Variants in PALB2 observed in about 807,000 individuals in gnomAD.
PALB2 encodes the protein partner and localizer of BRCA2, also known as mutant partner and localizer of BRCA2.
Under a neutral mutation model 107.4 loss-of-function variants are expected in PALB2, and 82 were observed. The ratio of observed to expected loss-of-function variants is 0.76; its 90% CI spans 0.64 to 0.92. The LOEUF is 0.92. PALB2 is among the 40% of genes least tolerant of loss of function. PALB2 has a pLI of 0.00. For missense variants in PALB2, 1,374 were observed against 1,379.9 expected (o/e 1.00, Z 0.07); for synonymous variants, 489 against 496.8 (o/e 0.98, Z 0.21).
chr16:23,637,497 G>A (rs547493), intron 3 of PALB2, among the ~76,000 whole-genome samples: 14,254 of 152,078 alleles, frequency 0.094, 850 homozygotes, highest in East Asian at 0.17. Context: ...GAAGCCAGGG[G>A]TTCAAGACCG....
chr16:23,634,809 A>ACT, intron 4 of PALB2, 53 bp downstream of exon 4: 1 of 1,569,088 alleles, frequency 6.4e-7, no homozygotes, highest in Admixed American at 1.9e-5. Context: ...GGCAAATAGT[A>ACT]ATTGTTAACT....
At position 23,637,904 on chromosome 16, in the gene PALB2, C is replaced by T. The variant is rs1184603042; in HGVS notation, c.157G>A (p.Glu53Lys). Reference sequence around the variant, plus strand: ...TGCTGAGACAAACAATCTTGTTCTTCTACTGTTTTCTTAATAGAATGCTTA... The same window carrying T: ...TGCTGAGACAAACAATCTTGTTCTTTTACTGTTTTCTTAATAGAATGCTTA... ...KIKHSIKKTV[E>K]EQDCLSQQDL... Residue 53 changes from glutamate to lysine, a missense_variant, in exon 3 of 13, where the codon GAA becomes AAA. Coordinates refer to ENST00000261584, the MANE Select transcript of PALB2 (RefSeq NM_024675.4). The T allele has an allele frequency of 6.2e-7, 1 of 1,613,988 alleles. No homozygotes were observed. The highest frequency in any genetic ancestry group is 1.7e-5 in the Admixed American group (1 of 59,980).
chr16:23,633,357 G>T (rs1279374147), intron 4 of PALB2, among the ~76,000 whole-genome samples: 1 of 152,156 alleles, frequency 6.6e-6, no homozygotes, highest in Non-Finnish European at 1.5e-5. Context: ...TTGGAACACA[G>T]TCACAGTTAC....
In PALB2 at chr16:23,641,290, G is replaced by T; in HGVS notation, c.-133C>A. 8.1e-7 allele frequency: 1 copy of T among 1,240,124 alleles called. No individual in the cohort carries two copies. Among genetic ancestry groups the T allele is most frequent in the South Asian group, 1.3e-5 (1 of 76,308 alleles). The allele number at this position is 1,240,124 out of a possible 1,614,324, so 76.8% of individuals were successfully genotyped here. ...GCCCGGGATCGCACCCTCAGTGCGC[G>T]ATCAGCTGACCCACGCGGGCCAAGC... On this transcript the variant is annotated 5_prime_UTR_variant, in exon 1 of 13. Transcript: ENST00000261584.
chr16:23,608,112 G>T (rs1471158674), intron 11 of PALB2, 100 bp from the exon 12 acceptor site: 2 of 1,265,192 alleles, frequency 1.6e-6, no homozygotes, highest in Non-Finnish European at 2.3e-6. Flanking sequence ...TTAAAGCAAT[G>T]ACCGATAGGC....
intron 9 of PALB2, 74 bp downstream of exon 9, chr16:23,622,895 C>T (rs2142333396): frequency 6.4e-7 from 1 of 1,569,658 alleles, no homozygotes; most frequent in Non-Finnish European, 8.8e-7. Flanking sequence ...ATCCTAGTTA[C>T]CCAACTTTCT....
chr16:23,637,898 G>C lies in PALB2; in HGVS notation c.163C>G (p.Gln55Glu), dbSNP rs1064793772. ...KHSIKKTVEE[Q>E]DCLSQQDLSP... Reference sequence around the variant, plus strand: ...AGATCCTGCTGAGACAAACAATCTTGTTCTTCTACTGTTTTCTTAATAGAA... The same window carrying C: ...AGATCCTGCTGAGACAAACAATCTTCTTCTTCTACTGTTTTCTTAATAGAA... Residue 55 changes from glutamine (Q) to glutamate (E), a missense_variant, in exon 3 of 13, where the codon CAA becomes GAA. By Grantham distance (29) the Gln-to-Glu change is conservative. Transcript: ENST00000261584. 6.2e-7 allele frequency: 1 copy of C among 1,614,026 alleles called. No homozygotes were observed. The highest frequency in any genetic ancestry group is 1.1e-5 in the South Asian group (1 of 91,078).
chr16:23,609,795 C>T (rs571645032), intron 11 of PALB2, among the ~76,000 whole-genome samples: 13 of 152,216 alleles, frequency 8.5e-5, no homozygotes, highest in South Asian at 8.3e-4. Context: ...GGATTACAGG[C>T]GTGAGCCACC....
Position 23,629,307 on chromosome 16 carries a change from C to A in PALB2, c.2515-32G>T, listed in dbSNP as rs747704625. On this transcript the variant is annotated intron_variant, in intron 5 of 12. Coordinates refer to ENST00000261584, the MANE Select transcript of PALB2 (RefSeq NM_024675.4). ...AAACAAAAGTCACATCATTAGTCTA[C>A]ACTTTATGTATAATGTCTGCCTGCA... 25 of 1,568,382 alleles carry A rather than the reference C, an allele frequency of 1.6e-5. No individual in the cohort carries two copies. The Admixed American group carries it at 4.2e-4, about 26-fold the overall frequency.
In PALB2 at chr16:23,641,194, G is replaced by A. The variant is rs1403573232; in HGVS notation, c.-37C>T. ...CAGAACGAAAAGAGCAGCCGTCGCC[G>A]ACCCCAGGCCTGCCGACACCGGGAC... On this transcript the variant is annotated 5_prime_UTR_variant, in exon 1 of 13. Coordinates refer to ENST00000261584, the MANE Select transcript of PALB2 (RefSeq NM_024675.4). 2 of 1,605,294 alleles carry A rather than the reference G, an allele frequency of 1.2e-6. No individual in the cohort carries two copies. Among genetic ancestry groups the A allele is most frequent in the Non-Finnish European group, 1.7e-6 (2 of 1,176,812 alleles).
rs1597097914 is a variant in PALB2, at chr16:23,635,658, C to A, written c.888G>T (p.Met296Ile). 2 of 1,614,016 alleles carry A rather than the reference C, an allele frequency of 1.2e-6. No homozygotes were observed. Among genetic ancestry groups the A allele is most frequent in the South Asian group, 2.2e-5 (2 of 91,058 alleles). The change falls in exon 4 of 13, where the codon ATG (methionine) becomes ATT (isoleucine). Residue 296 changes from methionine to isoleucine, a missense_variant. Physicochemically the swap from Met to Ile is conservative, Grantham distance 10 (BLOSUM62 1). Transcript: ENST00000261584. ...PVSLEAQGKK[M>I]TVSTDNLLVN... ...CAAGGAGGTTATCTGTAGAGACAGT[C>A]ATTTTTTTGCCTTGTGCCTCCAAAC...
intron 10 of PALB2, among the ~76,000 whole-genome samples, chr16:23,615,105 T>A (rs919168917): frequency 6.6e-6 from 1 of 151,464 alleles, no homozygotes; most frequent in African/African-American, 2.4e-5. Flanking sequence ...CCCACCACCA[T>A]GCCTGGCTAA....
At chr16:23,624,897 T>C (rs1051506726) in intron 7 of PALB2, among the ~76,000 whole-genome samples, 7 of 152,180 alleles carry the variant, frequency 4.6e-5, no homozygotes, top group African/African-American at 1.7e-4. Flanking sequence ...ATGTATATGA[T>C]GGTGGGAAAA....
At chr16:23,617,066 C>T (rs144488461) in intron 10 of PALB2, among the ~76,000 whole-genome samples, 2,977 of 152,164 alleles carry the variant, frequency 0.02, 92 homozygotes, top group African/African-American at 0.068. Flanking sequence ...CTGCCCACCT[C>T]GGCCTCCCAA....
At chr16:23,633,337 T>G (rs1966905851) in intron 4 of PALB2, among the ~76,000 whole-genome samples, 1 of 152,148 alleles carries the variant, frequency 6.6e-6, no homozygotes, top group Admixed American at 6.5e-5. Context: ...AAAGTGCATA[T>G]AAAGGTGCGT....
chr16:23,626,570 C>T (rs1947556760), intron 6 of PALB2, among the ~76,000 whole-genome samples, 173 bp from the exon 7 acceptor site: 1 of 152,132 alleles, frequency 6.6e-6, no homozygotes, highest in South Asian at 2.1e-4. Flanking sequence ...AAAAAAATGC[C>T]TATCAAACTT....
intron 12 of PALB2, among the ~76,000 whole-genome samples, chr16:23,604,322 G>A (rs1029575653): frequency 6.6e-6 from 1 of 152,192 alleles, no homozygotes; most frequent in African/African-American, 2.4e-5. Context: ...AGTAAGAGCT[G>A]TGCAACCCTG....
chr16:23,628,623 C>T (rs1966851760), intron 6 of PALB2, among the ~76,000 whole-genome samples: 1 of 152,150 alleles, frequency 6.6e-6, no homozygotes, highest in Non-Finnish European at 1.5e-5. Context: ...TTCACTCCGT[C>T]AAAATGCCTG....
At chr16:23,629,562 CA>C in intron 5 of PALB2, 77 bp downstream of exon 5, 1 of 1,413,140 alleles carries the variant, frequency 7.1e-7, no homozygotes, top group Non-Finnish European at 1.0e-6. Context: ...GCCCAATGCG[CA>C]AGCAAGTCAT....
Sources: gnomAD v4.1 joint callset for allele counts (sites outside exome capture counted in the v4.1 genomes callset) on GRCh38, gnomAD v4.1.1 for gene constraint, MANE v1.5 for transcripts, NCBI Gene and HGNC (gene_info 2026-07-23, HGNC 2026-07-21) for gene names.